The following SNX29 variants were observed in gnomAD, a reference collection of about 807,000 sequenced individuals.
SNX29 encodes sorting nexin-29.
A neutral mutation model predicts 102.1 loss-of-function variants in SNX29; 78 were observed. The ratio of observed to expected loss-of-function variants is 0.76; its 90% CI spans 0.64 to 0.92. The LOEUF is 0.92. Among genes scored for constraint, SNX29 ranks in the 40% least tolerant of loss-of-function variants. The pLI, the probability that SNX29 is intolerant of heterozygous loss-of-function variation, is 0.00. For synonymous variants in SNX29, 580 were observed against 414.5 expected, an observed-to-expected ratio of 1.40 and a Z score of -4.85; for missense variants, 1,280 against 1,061.7, an observed-to-expected ratio of 1.21 and a Z score of -2.86.
intron 14 of SNX29, among the ~76,000 whole-genome samples, chr16:12,267,041 T>G (rs1334662858): frequency 6.6e-6 from 1 of 152,174 alleles, no homozygotes; most frequent in Non-Finnish European, 1.5e-5. Context: ...GGGATCACAG[T>G]GAGCCACTCT....
At chr16:12,347,768 A>C (rs1407844148) in intron 15 of SNX29, among the ~76,000 whole-genome samples, 4 of 152,080 alleles carry the variant, frequency 2.6e-5, no homozygotes, top group Non-Finnish European at 5.9e-5. Context: ...CAATAACCTC[A>C]TTTGACAAAT....
chr16:12,040,308 G>A (rs957626826), intron 4 of SNX29, among the ~76,000 whole-genome samples: 3 of 152,162 alleles, frequency 2.0e-5, no homozygotes, highest in Non-Finnish European at 2.9e-5. Flanking sequence ...AGCCCAGGAC[G>A]TTGAGGCTGC....
chr16:12,532,922 C>T (rs1053947597), intron 20 of SNX29, among the ~76,000 whole-genome samples: 7 of 152,334 alleles, frequency 4.6e-5, no homozygotes, highest in East Asian at 1.9e-4. Context: ...AACAGCAGGC[C>T]GTCCTCCTCT....
intron 18 of SNX29, among the ~76,000 whole-genome samples, chr16:12,463,014 T>C (rs1482785548): frequency 6.6e-6 from 1 of 152,170 alleles, no homozygotes; most frequent in East Asian, 1.9e-4. Context: ...TATTTCTGAG[T>C]TTCCCAGGAG....
chr16:12,207,594 T>G (rs563728758), intron 14 of SNX29, among the ~76,000 whole-genome samples: 127 of 152,244 alleles, frequency 8.3e-4, no homozygotes, highest in African/African-American at 2.9e-3. Flanking sequence ...TACGTTTGTC[T>G]CATGTGCCCC....
At chr16:12,356,879 A>C (rs1023085876) in intron 16 of SNX29, among the ~76,000 whole-genome samples, 2 of 152,222 alleles carry the variant, frequency 1.3e-5, no homozygotes, top group African/African-American at 2.4e-5. Flanking sequence ...GACAACCACA[A>C]ATGTCTCCAG....
At chr16:12,359,523 C>T (rs906479028) in intron 16 of SNX29, among the ~76,000 whole-genome samples, 1 of 152,174 alleles carries the variant, frequency 6.6e-6, no homozygotes, top group Non-Finnish European at 1.5e-5. Flanking sequence ...ATCTCCTTTT[C>T]AGTTACATGT....
chr16:12,543,804 C>G (rs1206312967), intron 20 of SNX29, among the ~76,000 whole-genome samples: 1 of 152,326 alleles, frequency 6.6e-6, no homozygotes, highest in African/African-American at 2.4e-5. Flanking sequence ...GAGATTTCTC[C>G]CAGCCCATGA....
chr16:12,058,816 T>G (rs1250665380), intron 8 of SNX29, among the ~76,000 whole-genome samples: 20 of 145,802 alleles, frequency 1.4e-4, no homozygotes, highest in South Asian at 1.2e-3. Context: ...TTTTTTTTTT[T>G]TTTTTTTTCT....
At position 12,310,097 on chromosome 16, in the gene SNX29, C is replaced by CAT. The variant is rs1185116595; in HGVS notation, c.1782+32062_1782+32063insTA. Among the ~76,000 whole-genome samples the CAT allele has an allele frequency of 4.9e-4, 71 of 144,374 alleles. 1 individual carries two copies. The East Asian group carries it at 0.011, about 21-fold the overall frequency. The allele number at this position is 144,374 out of a possible 152,430, so 94.7% of individuals were successfully genotyped here. A position where few individuals can be genotyped will look rare whatever the true frequency, so the allele number is the denominator to read the frequency against. The stretch of plus-strand genomic sequence containing the variant: ...ACATACACATGTGCACACATGCACA[C>CAT]ACATGCACACATACACGTGCACGCA... On this transcript the variant is annotated intron_variant, in intron 15 of 20. Coordinates refer to ENST00000566228, the MANE Select transcript of SNX29 (RefSeq NM_032167.5).
intron 10 of SNX29, among the ~76,000 whole-genome samples, chr16:12,076,978 A>T (rs1022580439): frequency 6.6e-6 from 1 of 152,044 alleles, no homozygotes; most frequent in Admixed American, 6.5e-5. Context: ...TTTGCTATTT[A>T]TTTTAGAAAA....
chr16:12,409,633 G>A (rs372786956), intron 18 of SNX29, among the ~76,000 whole-genome samples: 99 of 152,046 alleles, frequency 6.5e-4, no homozygotes, highest in South Asian at 4.8e-3. Flanking sequence ...GTTTCACCGT[G>A]TTAGCCAGGA....
intron 13 of SNX29, among the ~76,000 whole-genome samples, chr16:12,159,693 C>G (rs908995074): frequency 3.3e-5 from 5 of 152,036 alleles, no homozygotes; most frequent in African/African-American, 9.7e-5. Context: ...GACCCTGTCT[C>G]TATTAAAAAT....
intron 20 of SNX29, among the ~76,000 whole-genome samples, chr16:12,548,043 C>T (rs1299152303): frequency 2.0e-5 from 3 of 152,136 alleles, no homozygotes; most frequent in Non-Finnish European, 4.4e-5. Context: ...GTAAGGCAAG[C>T]ACCACCCCTG....
At chr16:12,463,100 A>G (rs1326438060) in intron 18 of SNX29, among the ~76,000 whole-genome samples, 3 of 152,116 alleles carry the variant, frequency 2.0e-5, no homozygotes, top group Admixed American at 6.5e-5. Context: ...CATGCTGAAG[A>G]TGCCCCTTAT....
intron 20 of SNX29, chr16:12,556,481 G>T (rs187103421): frequency 2.2e-4 from 33 of 152,440 alleles, no homozygotes; most frequent in African/African-American, 7.9e-4. Context: ...GCACAAGGAG[G>T]AGTTAGGGCA....
At chr16:12,488,121 CAAATT>C (rs1203663841) in intron 19 of SNX29, among the ~76,000 whole-genome samples, 6 of 151,974 alleles carry the variant, frequency 3.9e-5, no homozygotes, top group East Asian at 3.9e-4. Context: ...TCTATAATAT[CAAATT>C]AAAATCCAGT....
intron 14 of SNX29, among the ~76,000 whole-genome samples, chr16:12,255,766 T>G (rs914610050): frequency 1.3e-5 from 2 of 152,254 alleles, no homozygotes; most frequent in African/African-American, 4.8e-5. Flanking sequence ...ACGTTTTGTT[T>G]ATTCATCTGT....
rs1277883907 is a variant in SNX29 at position 12,572,970 on chromosome 16, A to C, written c.*4341A>C. On this transcript the variant is annotated 3_prime_UTR_variant, in exon 21 of 21. Coordinates refer to ENST00000566228, the MANE Select transcript of SNX29 (RefSeq NM_032167.5). ...TTATGAGCAAGGTCAAAGATTTTTCAAAATATTGTGCATTAATTCATTAAA... is the reference window on the plus strand; with the variant it reads ...TTATGAGCAAGGTCAAAGATTTTTCCAAATATTGTGCATTAATTCATTAAA... 3.7e-5 allele frequency: 20 copies of C among 538,790 alleles called. No individual in the cohort carries two copies. The highest frequency in any genetic ancestry group is 1.1e-4 in the Admixed American group (2 of 18,000). 33.4% of individuals were successfully genotyped at this position (538,790 alleles called of 1,614,324 possible). A position where few individuals can be genotyped will look rare whatever the true frequency, so the allele number is the denominator to read the frequency against.
Sources: allele counts gnomAD v4.1 joint callset (sites outside exome capture counted in the v4.1 genomes callset), GRCh38; gene constraint gnomAD v4.1.1; transcripts MANE v1.5; gene names NCBI Gene and HGNC (gene_info 2026-07-23, HGNC 2026-07-21).